Variants in XRRA1 observed in about 807,000 individuals in gnomAD.
The protein encoded by XRRA1 is X-ray radiation resistance associated 1, also known as X-ray radiation resistance-associated protein 1.
A neutral mutation model predicts 80.2 loss-of-function variants in XRRA1; 69 were observed. The ratio of observed to expected loss-of-function variants is 0.86; its 90% CI spans 0.71 to 1.05. XRRA1 has a LOEUF of 1.05. Ranked by LOEUF, XRRA1 falls within the 50% of genes least tolerant of loss-of-function variation. The pLI, the probability that XRRA1 is intolerant of heterozygous loss-of-function variation, is 0.00. For missense variants in XRRA1, 967 were observed against 976.4 expected (o/e 0.99, Z 0.13); for synonymous variants, 348 against 389.9 (o/e 0.89, Z 1.27).
intron 10 of XRRA1, among the ~76,000 whole-genome samples, chr11:74,864,898 C>G (rs534751615): frequency 1.3e-5 from 2 of 152,356 alleles, no homozygotes; most frequent in African/African-American, 4.8e-5. Context: ...AGTTTGAGAC[C>G]TGGTCCCTCC....
intron 10 of XRRA1, among the ~76,000 whole-genome samples, chr11:74,867,954 T>C (rs1394718184): frequency 4.3e-5 from 6 of 139,034 alleles, no homozygotes; most frequent in African/African-American, 1.6e-4. Flanking sequence ...AGAGTCTTGC[T>C]CCCGTCATCC....
chr11:74,863,272 C>A (rs1591708288), intron 10 of XRRA1: 1 of 515,872 alleles, frequency 1.9e-6, no homozygotes, highest in Non-Finnish European at 3.5e-6. Flanking sequence ...ATGATTGGGC[C>A]CCTGCCTACT....
chr11:74,930,290 A>G lies in XRRA1; in HGVS notation c.424+10T>C. On this transcript the variant is annotated intron_variant, in intron 6 of 18. Transcript: ENST00000684022. ...GGAGGAAGAGAGCTTTCAAGAAAGA[A>G]AAAGCTTACCTAGAGGCAGCAGGTT... is the stretch of plus-strand genomic sequence containing the variant. 6.4e-7 allele frequency: 1 copy of G among 1,558,838 alleles called. No homozygotes were observed. The highest frequency in any genetic ancestry group is 8.7e-7 in the Non-Finnish European group (1 of 1,149,604).
chr11:74,865,488 A>T (rs2043207004), intron 10 of XRRA1, among the ~76,000 whole-genome samples: 1 of 152,142 alleles, frequency 6.6e-6, no homozygotes, highest in Non-Finnish European at 1.5e-5. Flanking sequence ...GTGCGGAGAC[A>T]TGCAGGCAGA....
rs1312266128 is a variant in XRRA1 at position 74,841,288 on chromosome 11, A to C, written c.*1912T>G. 1 of 152,194 alleles carries C rather than the reference A, an allele frequency of 6.6e-6. No individual in the cohort carries two copies. Among genetic ancestry groups the C allele is most frequent in the Non-Finnish European group, 1.5e-5 (1 of 68,040 alleles). 9.4% of individuals were successfully genotyped at this position (152,194 alleles called of 1,614,324 possible). A position where few individuals can be genotyped will look rare whatever the true frequency, so the allele number is the denominator to read the frequency against. The stretch of plus-strand genomic sequence containing the variant: ...GTTATGAATTCTCAAAAGAGAAAGC[A>C]GGTCTGGGGCGGGGTGGTCAGGAGA... On this transcript the variant is annotated 3_prime_UTR_variant, in exon 19 of 19. Transcript: ENST00000684022.
At chr11:74,930,014 A>C (rs1157577601) in intron 6 of XRRA1, among the ~76,000 whole-genome samples, 1 of 152,180 alleles carries the variant, frequency 6.6e-6, no homozygotes, top group Non-Finnish European at 1.5e-5. Context: ...TTATACACCC[A>C]TCTCATATGA....
rs535794830 is a variant in XRRA1, at chr11:74,886,462, A to G, written c.1003+19777T>C. ...AATCAAGAACACAATCCTGTCCACAATAGCCACAAAAAGAATAACATACCT... is the reference window on the plus strand; with the variant it reads ...AATCAAGAACACAATCCTGTCCACAGTAGCCACAAAAAGAATAACATACCT... On this transcript the variant is annotated intron_variant, in intron 10 of 18. Transcript: ENST00000684022. Among the ~76,000 whole-genome samples, 3 of 152,292 alleles carry G rather than the reference A, an allele frequency of 2.0e-5. No homozygotes were observed. The East Asian group carries it at 5.8e-4, about 29-fold the overall frequency.
At chr11:74,853,306 G>A (rs1184605229) in intron 12 of XRRA1, among the ~76,000 whole-genome samples, 5 of 152,170 alleles carry the variant, frequency 3.3e-5, no homozygotes, top group African/African-American at 1.2e-4. Flanking sequence ...GGAGTGTGTG[G>A]TAGAGAAACC....
Position 74,906,262 on chromosome 11 carries a change from A to T in XRRA1, c.980T>A (p.Met327Lys). The T allele has an allele frequency of 6.2e-7, 1 of 1,613,848 alleles. No homozygotes were observed. Among genetic ancestry groups the T allele is most frequent in the Non-Finnish European group, 8.5e-7 (1 of 1,179,838 alleles). The change falls in exon 10 of 19, where the codon ATG becomes AAG. Residue 327 changes from methionine to lysine, a missense_variant. Met to Lys is a moderately conservative substitution (Grantham distance 95). Transcript: ENST00000684022. The stretch of plus-strand genomic sequence containing the variant: ...ACCTGTCCGGTCAACATCCTTTTTC[A>T]TGGGCAGTACAGTATAATCCAGTTG... ...DEQLDYTVLPMKKDVDRTEVV... is the reference protein window; with the variant it reads ...DEQLDYTVLPKKKDVDRTEVV...
chr11:74,846,934 T>C (rs937941325), intron 15 of XRRA1, among the ~76,000 whole-genome samples: 20 of 152,106 alleles, frequency 1.3e-4, no homozygotes, highest in South Asian at 4.2e-4. Context: ...TTTTTTTTTT[T>C]CTGAAAACAT....
intron 8 of XRRA1, among the ~76,000 whole-genome samples, chr11:74,918,093 G>A (rs1396141262): frequency 6.6e-6 from 1 of 152,022 alleles, no homozygotes; most frequent in African/African-American, 2.4e-5. Context: ...GGACCTTAAA[G>A]GACTCAGACC....
intron 10 of XRRA1, among the ~76,000 whole-genome samples, chr11:74,899,221 T>C (rs1323769616): frequency 6.6e-6 from 1 of 152,144 alleles, no homozygotes; most frequent in South Asian, 2.1e-4. Context: ...CAAATGATAA[T>C]GGACACAACA....
chr11:74,851,074 C>T lies in XRRA1; in HGVS notation c.1380+14G>A, dbSNP rs1297665173. ...CTCTTCCTGGGGGTGGGAGTCCTGC[C>T]TTGGAAGCCCTACCTTCCATGATTC... On this transcript the variant is annotated intron_variant, in intron 14 of 18. Coordinates refer to ENST00000684022, the MANE Select transcript of XRRA1 (RefSeq NM_001378157.1). 2 of 1,601,696 alleles carry T rather than the reference C, an allele frequency of 1.2e-6. No individual in the cohort carries two copies. Among genetic ancestry groups the T allele is most frequent in the Non-Finnish European group, 1.7e-6 (2 of 1,173,018 alleles).
intron 7 of XRRA1, among the ~76,000 whole-genome samples, chr11:74,921,958 G>A (rs1256800998): frequency 6.6e-6 from 1 of 152,074 alleles, no homozygotes; most frequent in Non-Finnish European, 1.5e-5. Context: ...TAGGTGCACA[G>A]AAAAAATGAG....
chr11:74,862,627 T>C (rs1005547392), intron 11 of XRRA1, among the ~76,000 whole-genome samples: 2 of 152,216 alleles, frequency 1.3e-5, no homozygotes, highest in African/African-American at 4.8e-5. Flanking sequence ...GTTAAGGAGC[T>C]GCTGGTAGCA....
intron 10 of XRRA1, among the ~76,000 whole-genome samples, chr11:74,864,896 A>G (rs1228465128): frequency 1.3e-5 from 2 of 152,136 alleles, no homozygotes; most frequent in Non-Finnish European, 2.9e-5. Flanking sequence ...CCAGTTTGAG[A>G]CCTGGTCCCT....
At chr11:74,895,102 C>T (rs1002972327) in intron 10 of XRRA1, among the ~76,000 whole-genome samples, 50 of 152,296 alleles carry the variant, frequency 3.3e-4, no homozygotes, top group African/African-American at 1.1e-3. Flanking sequence ...AGAACAAAAA[C>T]GCAGGTGAGC....
At chr11:74,946,228 C>T (rs1387324028) in intron 1 of XRRA1, among the ~76,000 whole-genome samples, 1 of 152,174 alleles carries the variant, frequency 6.6e-6, no homozygotes, top group African/African-American at 2.4e-5. Flanking sequence ...CAGGCGTGAA[C>T]CCCCTTGCCC....
intron 2 of XRRA1, among the ~76,000 whole-genome samples, chr11:74,942,280 G>A (rs1946486186): frequency 6.6e-6 from 1 of 152,180 alleles, no homozygotes; most frequent in Admixed American, 6.5e-5. Context: ...AATAGGCCAT[G>A]AGCAAGTAGG....
Sources: allele counts gnomAD v4.1 joint callset (sites outside exome capture counted in the v4.1 genomes callset), GRCh38; gene constraint gnomAD v4.1.1; transcripts MANE v1.5; gene names NCBI Gene and HGNC (gene_info 2026-07-23, HGNC 2026-07-21).